The following EYS variants were observed in gnomAD, a reference collection of about 807,000 sequenced individuals.
The protein encoded by EYS is EGF-like photoreceptor maintenance factor, also known as protein eyes shut homolog.
Under a neutral mutation model 282.1 loss-of-function variants are expected in EYS, and 250 were observed. That is an observed-to-expected ratio of 0.89 (90% CI 0.80 to 0.98). The LOEUF (loss-of-function observed/expected upper bound fraction) is 0.98, where lower values mean the gene tolerates loss of function less well. Ranked by LOEUF, EYS falls within the 50% of genes least tolerant of loss-of-function variation. The pLI, the probability that EYS is intolerant of heterozygous loss-of-function variation, is 0.00. For synonymous variants in EYS, 1,355 were observed against 1,282.9 expected (o/e 1.06, Z -1.20); for missense variants, 4,016 against 3,709.0 (o/e 1.08, Z -2.15).
At chr6:65,257,951 C>G (rs976818495) in intron 12 of EYS, among the ~76,000 whole-genome samples, 1 of 151,282 alleles carries the variant, frequency 6.6e-6, no homozygotes, top group Non-Finnish European at 1.5e-5. Flanking sequence ...TGACTGTAGT[C>G]AACAAGAAAT....
At position 64,384,133 on chromosome 6, in the gene EYS, T is replaced by C. The variant is rs148240733; in HGVS notation, c.6078+4557A>G. Among the ~76,000 whole-genome samples, 284 of 152,302 alleles carry C rather than the reference T, an allele frequency of 1.9e-3. 1 individual carries two copies. The highest frequency in any genetic ancestry group is 6.5e-3 in the African/African-American group (272 of 41,572). ...GCTAAAGGATTTTGATGGCTAATGATTGACAGGGCTTTTTATAAAAGTGAA... is the reference window on the plus strand; with the variant it reads ...GCTAAAGGATTTTGATGGCTAATGACTGACAGGGCTTTTTATAAAAGTGAA... On this transcript the variant is annotated intron_variant, in intron 29 of 42. Transcript: ENST00000503581.
chr6:64,213,522 T>G (rs57261978), intron 31 of EYS, among the ~76,000 whole-genome samples: 5,170 of 152,250 alleles, frequency 0.034, 214 homozygotes, highest in African/African-American at 0.094. Flanking sequence ...ATTTGTCAAT[T>G]AATGTAAAAA....
chr6:65,633,267 C>T lies in EYS; in HGVS notation c.-333+6511G>A, dbSNP rs141697765. On this transcript the variant is annotated intron_variant, in intron 2 of 42. Coordinates refer to ENST00000503581, the MANE Select transcript of EYS (RefSeq NM_001142800.2). ...CACTTTTCTAAGCAGGGTTAGGCTACAATGGTAACACTTTACCTTCTTGCA... is the reference window on the plus strand; with the variant it reads ...CACTTTTCTAAGCAGGGTTAGGCTATAATGGTAACACTTTACCTTCTTGCA... 5.5e-4 allele frequency among the ~76,000 whole-genome samples: 84 copies of T among 152,220 alleles called. 2 individuals carry two copies. The East Asian group carries it at 0.016, about 28-fold the overall frequency.
intron 2 of EYS, among the ~76,000 whole-genome samples, chr6:65,562,010 T>A (rs545135588): frequency 6.6e-6 from 1 of 151,346 alleles, no homozygotes; most frequent in Non-Finnish European, 1.5e-5. Context: ...ATTTTTTGTA[T>A]ATTATATAAA....
chr6:65,058,821 T>C (rs1445233381), intron 12 of EYS, among the ~76,000 whole-genome samples: 6 of 138,976 alleles, frequency 4.3e-5, no homozygotes, highest in Non-Finnish European at 6.6e-5. Flanking sequence ...TTATCACTTA[T>C]GACAGCTAAT....
chr6:65,568,419 G>A (rs535922159), intron 2 of EYS, among the ~76,000 whole-genome samples: 2 of 150,750 alleles, frequency 1.3e-5, no homozygotes, highest in South Asian at 4.2e-4. Context: ...ACATTTGCAT[G>A]CCATTTTTCT....
chr6:64,193,675 G>A (rs570880556), intron 31 of EYS, among the ~76,000 whole-genome samples: 70 of 151,838 alleles, frequency 4.6e-4, no homozygotes, highest in African/African-American at 1.6e-3. Flanking sequence ...GACAGGCCCT[G>A]GTGTGTGATG....
At chr6:65,496,726 A>T (rs557365556) in intron 2 of EYS, among the ~76,000 whole-genome samples, 1 of 152,262 alleles carries the variant, frequency 6.6e-6, no homozygotes, top group South Asian at 2.1e-4. Flanking sequence ...AATTTCATCC[A>T]GCAGGTAAGT....
chr6:64,037,012 TGTGGAG>T (rs1472207936), intron 33 of EYS, among the ~76,000 whole-genome samples: 1 of 152,252 alleles, frequency 6.6e-6, no homozygotes, highest in East Asian at 1.9e-4. Context: ...GTTTTGGAAA[TGTGGAG>T]CCTCAGATGG....
chr6:65,402,760 C>T (rs1766567652), intron 6 of EYS, among the ~76,000 whole-genome samples, 155 bp from the exon 7 acceptor site: 1 of 152,008 alleles, frequency 6.6e-6, no homozygotes, highest in Non-Finnish European at 1.5e-5. Flanking sequence ...TCCAAAATGT[C>T]ACAACACCAT....
chr6:64,928,507 C>A (rs116426345), intron 15 of EYS, among the ~76,000 whole-genome samples: 1 of 152,158 alleles, frequency 6.6e-6, no homozygotes, highest in Admixed American at 6.5e-5. Flanking sequence ...TAACTAATGG[C>A]TTTCAATTCA....
At chr6:63,756,395 G>T (rs1456209196) in intron 41 of EYS, among the ~76,000 whole-genome samples, 3 of 152,070 alleles carry the variant, frequency 2.0e-5, no homozygotes, top group Non-Finnish European at 2.9e-5. Context: ...ATGTGGTTTT[G>T]GTCATTGGTT....
chr6:63,836,774 T>C (rs1771819559), intron 36 of EYS, among the ~76,000 whole-genome samples: 1 of 152,116 alleles, frequency 6.6e-6, no homozygotes, highest in African/African-American at 2.4e-5. Flanking sequence ...GCTTGGGGAA[T>C]GAGGACATAG....
chr6:65,399,548 A>G (rs1246647870), intron 7 of EYS, among the ~76,000 whole-genome samples: 2 of 152,052 alleles, frequency 1.3e-5, no homozygotes, highest in Non-Finnish European at 2.9e-5. Context: ...AATCATTTTC[A>G]TAGTCAGCAA....
At chr6:64,918,188 C>T (rs1038672782) in intron 15 of EYS, among the ~76,000 whole-genome samples, 9 of 151,472 alleles carry the variant, frequency 5.9e-5, no homozygotes, top group African/African-American at 1.5e-4. Flanking sequence ...CTCATTTAGA[C>T]GGAAAAATCT....
intron 1 of EYS, among the ~76,000 whole-genome samples, chr6:65,661,427 T>C (rs1767998027): frequency 6.6e-6 from 1 of 152,004 alleles, no homozygotes; most frequent in Non-Finnish European, 1.5e-5. Context: ...CAGAGTAAAT[T>C]TGCACAAGGC....
At chr6:64,514,897 T>G (rs1296940947) in intron 26 of EYS, among the ~76,000 whole-genome samples, 1 of 151,838 alleles carries the variant, frequency 6.6e-6, no homozygotes, top group Non-Finnish European at 1.5e-5. Context: ...GTGGAAATTT[T>G]TATTCACAAA....
intron 35 of EYS, among the ~76,000 whole-genome samples, chr6:63,981,154 A>T (rs1490093389): frequency 6.6e-6 from 1 of 151,722 alleles, no homozygotes; most frequent in African/African-American, 2.4e-5. Flanking sequence ...TTATGGTCTC[A>T]TTGGGAGTCT....
intron 28 of EYS, among the ~76,000 whole-genome samples, chr6:64,435,784 T>C (rs1441429307): frequency 1.1e-4 from 17 of 151,880 alleles, no homozygotes; most frequent in Admixed American, 1.1e-3. Flanking sequence ...AATTACTCAA[T>C]CTGGATTGTG....
Sources: gnomAD v4.1 joint callset for allele counts (sites outside exome capture counted in the v4.1 genomes callset) on GRCh38, gnomAD v4.1.1 for gene constraint, MANE v1.5 for transcripts, NCBI Gene and HGNC (gene_info 2026-07-23, HGNC 2026-07-21) for gene names.